BRMS1L: variants seen among roughly 807,000 people sequenced by gnomAD.
The protein encoded by BRMS1L is breast cancer metastasis-suppressor 1-like protein.
BRMS1L carries 23 observed loss-of-function variants against 50.3 expected under a neutral mutation model. The observed-to-expected ratio is 0.46, with a 90% CI of 0.33 to 0.65. BRMS1L has a LOEUF of 0.65. Among genes scored for constraint, BRMS1L ranks in the 30% least tolerant of loss-of-function variants. BRMS1L has a pLI of 0.02. For synonymous variants in BRMS1L, 114 were observed against 126.9 expected, an observed-to-expected ratio of 0.90 and a Z score of 0.69; for missense variants, 286 against 386.1, an observed-to-expected ratio of 0.74 and a Z score of 2.17.
At chr14:35,840,739 A>G (rs996683195) in intron 4 of BRMS1L, among the ~76,000 whole-genome samples, 2 of 151,886 alleles carry the variant, frequency 1.3e-5, no homozygotes, top group South Asian at 2.1e-4. Context: ...TTTTTGTTCT[A>G]TTTGATCCTT....
Position 35,831,492 on chromosome 14 carries a change from C to G in BRMS1L, c.225C>G (p.Leu75=). ...MSNLEKQFTD[L]KDQLYKERLS... The stretch of plus-strand genomic sequence containing the variant: ...ATCTTGAAAAACAGTTTACCGATCT[C>G]AAAGATCAGTAAGTAGTGACTTTAG... Residue 75 remains leucine, a synonymous_variant, in exon 2 of 10, where the codon CTC becomes CTG. Transcript: ENST00000216807. The G allele has an allele frequency of 6.2e-7, 1 of 1,611,300 alleles. No individual in the cohort carries two copies. Among genetic ancestry groups the G allele is most frequent in the Non-Finnish European group, 8.5e-7 (1 of 1,177,572 alleles).
chr14:35,828,520 C>T (rs2077876707), intron 1 of BRMS1L, among the ~76,000 whole-genome samples: 1 of 142,306 alleles, frequency 7.0e-6, no homozygotes, highest in Non-Finnish European at 1.5e-5. Flanking sequence ...GGCACCCAGG[C>T]TGGAGTGCAA....
At chr14:35,830,378 CTT>C (rs778386477) in intron 1 of BRMS1L, among the ~76,000 whole-genome samples, 19 of 150,658 alleles carry the variant, frequency 1.3e-4, no homozygotes. Context: ...CTTTCTTTCA[CTT>C]TTTATTTTTG....
chr14:35,831,738 C>A (rs546162676), intron 2 of BRMS1L, among the ~76,000 whole-genome samples: 6 of 151,962 alleles, frequency 3.9e-5, no homozygotes, highest in African/African-American at 1.5e-4. Flanking sequence ...TGGGCAACAT[C>A]GGAAGACCTG....
Position 35,831,605 on chromosome 14 carries a change from G to A in BRMS1L, c.233+105G>A, listed in dbSNP as rs1161430901. 7 of 780,260 alleles carry A rather than the reference G, an allele frequency of 9.0e-6. No individual in the cohort carries two copies. In the East Asian group the frequency reaches 1.3e-4, roughly 14 times the overall value. The allele number at this position is 780,260 out of a possible 1,614,324, so 48.3% of individuals were successfully genotyped here. A position where few individuals can be genotyped will look rare whatever the true frequency, so the allele number is the denominator to read the frequency against. On this transcript the variant is annotated intron_variant, in intron 2 of 9. Coordinates refer to ENST00000216807, the MANE Select transcript of BRMS1L (RefSeq NM_032352.4). ...CAGTCTCAGCTGTTTTGTATTTTAT[G>A]CGACAGACCAATTTGAAAGAGGCTT...
intron 8 of BRMS1L, among the ~76,000 whole-genome samples, chr14:35,866,762 G>A (rs188554465): frequency 6.6e-6 from 1 of 152,274 alleles, no homozygotes; most frequent in Non-Finnish European, 1.5e-5. Context: ...TATTTTGTGA[G>A]GAAATTGCAG....
intron 8 of BRMS1L, chr14:35,866,036 C>G: frequency 2.9e-6 from 1 of 345,604 alleles, no homozygotes; most frequent in Admixed American, 4.7e-5. Flanking sequence ...TTTTTATGGG[C>G]TCTGTCATTC....
chr14:35,836,557 G>T (rs2077996678), intron 4 of BRMS1L, among the ~76,000 whole-genome samples: 2 of 152,132 alleles, frequency 1.3e-5, no homozygotes, highest in South Asian at 4.1e-4. Context: ...GCCCAGGCTG[G>T]TCTCAAACAC....
intron 8 of BRMS1L, 41 bp from the exon 9 acceptor site, chr14:35,867,865 G>A: frequency 6.6e-7 from 1 of 1,524,394 alleles, no homozygotes; most frequent in African/African-American, 1.4e-5. Flanking sequence ...TCTTCTGACA[G>A]TGTTTTATTA....
Position 35,845,120 on chromosome 14 carries a change from A to C in BRMS1L, c.441+10197A>C, listed in dbSNP as rs563367696. ...TGGACCTCTGTTCTTAATTCTAATA[A>C]TTTGCATGCAGATTTTCTTATTTTC... is the stretch of plus-strand genomic sequence containing the variant. On this transcript the variant is annotated intron_variant, in intron 4 of 9. Coordinates refer to ENST00000216807, the MANE Select transcript of BRMS1L (RefSeq NM_032352.4). 4.8e-4 allele frequency among the ~76,000 whole-genome samples: 73 copies of C among 152,260 alleles called. 1 individual carries two copies. The South Asian group carries it at 0.014, about 29-fold the overall frequency.
intron 5 of BRMS1L, among the ~76,000 whole-genome samples, chr14:35,863,099 T>C (rs77054567): frequency 0.022 from 3,370 of 150,686 alleles, 126 homozygotes; most frequent in South Asian, 0.15. Context: ...CAATCTTGTC[T>C]CCAAAAAAAA....
At chr14:35,854,446 A>T (rs1466300790) in intron 4 of BRMS1L, among the ~76,000 whole-genome samples, 1 of 152,146 alleles carries the variant, frequency 6.6e-6, no homozygotes, top group African/African-American at 2.4e-5. Context: ...CACTGGCCGC[A>T]TTTGAGCTCT....
chr14:35,865,877 C>A (rs545178447), intron 8 of BRMS1L, 116 bp downstream of exon 8: 2 of 903,846 alleles, frequency 2.2e-6, no homozygotes, highest in Admixed American at 2.5e-5. Flanking sequence ...CAGTGAACAC[C>A]GTGCCTGAAA....
rs1347435256 is a variant in BRMS1L, at chr14:35,870,868, G to T, written c.*391G>T. ...CATTCATTGTGTGTTTGTAAATAAG[G>T]CCGATAGAATGTTTCCTATAAATGG... On this transcript the variant is annotated 3_prime_UTR_variant, in exon 10 of 10. Coordinates refer to ENST00000216807, the MANE Select transcript of BRMS1L (RefSeq NM_032352.4). 6.4e-6 allele frequency: 1 copy of T among 156,820 alleles called. No individual in the cohort carries two copies. The highest frequency in any genetic ancestry group is 2.4e-5 in the African/African-American group (1 of 41,390). 9.7% of individuals were successfully genotyped at this position (156,820 alleles called of 1,614,324 possible). A position where few individuals can be genotyped will look rare whatever the true frequency, so the allele number is the denominator to read the frequency against.
At chr14:35,868,738 A>G (rs765373415) in intron 9 of BRMS1L, among the ~76,000 whole-genome samples, 11 of 152,168 alleles carry the variant, frequency 7.2e-5, no homozygotes, top group Non-Finnish European at 1.0e-4. Context: ...TCACCACACC[A>G]TTGTACTCCA....
At chr14:35,826,828 T>C in intron 1 of BRMS1L, 170 bp downstream of exon 1, 1 of 974,142 alleles carries the variant, frequency 1.0e-6, no homozygotes, top group South Asian at 1.8e-5. Flanking sequence ...CTGGGCGCTG[T>C]CTGGCTCCTG....
At chr14:35,831,557 A>G in intron 2 of BRMS1L, 57 bp downstream of exon 2, 1 of 1,288,170 alleles carries the variant, frequency 7.8e-7, no homozygotes, top group Non-Finnish European at 1.1e-6. Context: ...TCACTTGTAT[A>G]CTAGCACAAG....
intron 5 of BRMS1L, among the ~76,000 whole-genome samples, chr14:35,862,993 T>C (rs1410324946): frequency 6.6e-6 from 1 of 152,068 alleles, no homozygotes; most frequent in African/African-American, 2.4e-5. Flanking sequence ...CAGTCCCAGC[T>C]ATGCAGGAGA....
At chr14:35,841,155 G>A (rs932640776) in intron 4 of BRMS1L, among the ~76,000 whole-genome samples, 3 of 152,102 alleles carry the variant, frequency 2.0e-5, no homozygotes, top group Admixed American at 6.5e-5. Context: ...ATGTAGTTGT[G>A]CAGTTTTGAG....
Sources: gnomAD v4.1 joint callset for allele counts (sites outside exome capture counted in the v4.1 genomes callset) on GRCh38, gnomAD v4.1.1 for gene constraint, MANE v1.5 for transcripts, NCBI Gene and HGNC (gene_info 2026-07-23, HGNC 2026-07-21) for gene names.